LRCH3: variants seen among roughly 807,000 people sequenced by gnomAD.
LRCH3 encodes DISP complex protein LRCH3.
LRCH3 carries 68 observed loss-of-function variants against 104.5 expected under a neutral mutation model. The ratio of observed to expected loss-of-function variants is 0.65; its 90% CI spans 0.54 to 0.80. The LOEUF is 0.80. LRCH3 is among the 30% of genes least tolerant of loss of function. The pLI is 0.00. For synonymous variants in LRCH3, 344 were observed against 361.3 expected (o/e 0.95, Z 0.54); for missense variants, 951 against 953.9 (o/e 1.00, Z 0.04).
chr3:197,824,351 C>T (rs1273561), intron 4 of LRCH3, among the ~76,000 whole-genome samples: 107,474 of 146,040 alleles, frequency 0.74, 41,579 homozygotes, highest in East Asian at 0.98. Context: ...GCGTGAGCCA[C>T]CACGCCCGGC....
chr3:197,802,845 T>A (rs897789926), intron 1 of LRCH3, among the ~76,000 whole-genome samples: 22 of 152,208 alleles, frequency 1.4e-4, no homozygotes, highest in African/African-American at 5.3e-4. Flanking sequence ...TGAGAGCCTG[T>A]TCACTTTCAT....
chr3:197,835,497 T>TAA lies in LRCH3; in HGVS notation c.1103-157_1103-156dup, dbSNP rs79382131. ...CCACCAACCTTGGACATAAAATGGG[T>TAA]AAAAAAAAAAAAAAAAAAAAAGACT... On this transcript the variant is annotated intron_variant, in intron 8 of 20. Coordinates refer to ENST00000425562, the MANE Select transcript of LRCH3 (RefSeq NM_001365715.1). Among the ~76,000 whole-genome samples the TAA allele has an allele frequency of 5.6e-3, 761 of 135,042 alleles. 5 individuals are homozygous for TAA. The highest frequency in any genetic ancestry group is 0.021 in the African/African-American group (728 of 34,756). 88.6% of individuals were successfully genotyped at this position (135,042 alleles called of 152,430 possible). A position where few individuals can be genotyped will look rare whatever the true frequency, so the allele number is the denominator to read the frequency against.
Position 197,875,700 on chromosome 3 carries a change from T to C in LRCH3, c.2133T>C (p.Pro711=). The change falls in exon 20 of 21, where the codon CCT becomes CCC. Residue 711 remains proline (P), a splice_region_variant and synonymous_variant. Coordinates refer to ENST00000425562, the MANE Select transcript of LRCH3 (RefSeq NM_001365715.1). ...PSIHVPSPAV[P]KLTMAKCRRN... is the part of the protein sequence containing the mutation. ...ACATTTTCTTTTCCTCATTTCAGCC[T>C]AAATTAACAATGGCGAAATGCAGGC... The C allele has an allele frequency of 6.5e-7, 1 of 1,534,078 alleles. No homozygotes were observed. The highest frequency in any genetic ancestry group is 8.7e-7 in the Non-Finnish European group (1 of 1,146,282).
At chr3:197,817,325 C>T (rs1733915785) in intron 3 of LRCH3, 23 bp downstream of exon 3, 2 of 914,930 alleles carry the variant, frequency 2.2e-6, no homozygotes, top group Non-Finnish European at 2.8e-6. Context: ...TTTTGATTGT[C>T]CAACATGTGT....
intron 1 of LRCH3, among the ~76,000 whole-genome samples, chr3:197,808,723 G>T (rs999561779): frequency 6.6e-6 from 1 of 151,960 alleles, no homozygotes; most frequent in African/African-American, 2.4e-5. Flanking sequence ...GACCAGCCTG[G>T]GCAATGTGGC....
intron 20 of LRCH3, among the ~76,000 whole-genome samples, chr3:197,879,786 C>T (rs559018270): frequency 3.2e-4 from 48 of 151,950 alleles, no homozygotes; most frequent in Non-Finnish European, 6.3e-4. Flanking sequence ...CCAAAAACGT[C>T]CGTCTCCTCA....
chr3:197,871,683 T>C (rs1712211710), intron 19 of LRCH3: 4 of 451,380 alleles, frequency 8.9e-6, no homozygotes, highest in African/African-American at 2.0e-5. Flanking sequence ...GTGTGTGTTA[T>C]AGGGATATAA....
chr3:197,839,010 T>C (rs1432681866), intron 9 of LRCH3, among the ~76,000 whole-genome samples: 1 of 152,224 alleles, frequency 6.6e-6, no homozygotes, highest in Non-Finnish European at 1.5e-5. Context: ...CTTCGGTTCC[T>C]TTCTAATTCT....
chr3:197,811,864 T>A (rs1230204885), intron 1 of LRCH3, among the ~76,000 whole-genome samples: 1 of 152,238 alleles, frequency 6.6e-6, no homozygotes, highest in Non-Finnish European at 1.5e-5. Context: ...TGAAATTTTG[T>A]TTCTGTAATT....
Position 197,825,604 on chromosome 3 carries a change from C to T in LRCH3, c.641-1274C>T, listed in dbSNP as rs550457947. 4.7e-5 allele frequency among the ~76,000 whole-genome samples: 7 copies of T among 149,672 alleles called. 1 individual carries two copies. The highest frequency in any genetic ancestry group is 2.1e-4 in the South Asian group (1 of 4,716). ...ACGCCATTCTCCTGTCTCAGCCTCCCGAGTAGCTGGGACTACAGGCGCCCG... is the reference window on the plus strand; with the variant it reads ...ACGCCATTCTCCTGTCTCAGCCTCCTGAGTAGCTGGGACTACAGGCGCCCG... On this transcript the variant is annotated intron_variant, in intron 4 of 20. Coordinates refer to ENST00000425562, the MANE Select transcript of LRCH3 (RefSeq NM_001365715.1).
At chr3:197,815,090 T>C (rs759752018) in intron 2 of LRCH3, 38 bp downstream of exon 2, 3 of 1,269,174 alleles carry the variant, frequency 2.4e-6, no homozygotes, top group South Asian at 3.1e-5. Context: ...TTTTTGGTTT[T>C]ATGTGATCTT....
chr3:197,866,892 T>G (rs1741548822), intron 17 of LRCH3, among the ~76,000 whole-genome samples: 1 of 151,354 alleles, frequency 6.6e-6, no homozygotes, highest in African/African-American at 2.4e-5. Flanking sequence ...GTGATCCCAG[T>G]GCTTTGGGAG....
At position 197,848,001 on chromosome 3, in the gene LRCH3, G is replaced by C. The variant is rs753446436; in HGVS notation, c.1510G>C (p.Ala504Pro). ...AAGGACCAAGCAGATCCAGAGAGAT[G>C]CTGTCCTGGACTTTGTCAAAGTGAG... ...KIRTKQIQRD[A>P]VLDFVKQKAS... Residue 504 changes from alanine (A) to proline (P), a missense_variant, in exon 12 of 21, where the codon GCT (alanine) becomes CCT (proline). Ala to Pro is a conservative substitution (Grantham distance 27). Transcript: ENST00000425562. The C allele has an allele frequency of 5.6e-6, 9 of 1,614,004 alleles. No homozygotes were observed. In the East Asian group the frequency reaches 2.0e-4, roughly 36 times the overall value.
In LRCH3 at chr3:197,871,539, A is replaced by G. The variant is rs528549216; in HGVS notation, c.2130+77A>G. On this transcript the variant is annotated intron_variant, in intron 19 of 20. Coordinates refer to ENST00000425562, the MANE Select transcript of LRCH3 (RefSeq NM_001365715.1). The stretch of plus-strand genomic sequence containing the variant: ...CACAGTGGACAGACATTTCTTAAGC[A>G]TTGTGCTAGATATTAAGGATACAGA... 67 of 1,573,308 alleles carry G rather than the reference A, an allele frequency of 4.3e-5. No individual in the cohort carries two copies. In the African/African-American group the frequency reaches 8.0e-4, roughly 19 times the overall value.
intron 1 of LRCH3, among the ~76,000 whole-genome samples, chr3:197,806,766 G>A (rs1308997925): frequency 6.7e-6 from 1 of 149,534 alleles, no homozygotes; most frequent in Non-Finnish European, 1.5e-5. Flanking sequence ...TGTCCAGGCT[G>A]CCCTTGAACT....
At position 197,792,291 on chromosome 3, in the gene LRCH3, A is replaced by G. The variant is rs1039497936; in HGVS notation, c.262+751A>G. On this transcript the variant is annotated intron_variant, in intron 1 of 20. Coordinates refer to ENST00000425562, the MANE Select transcript of LRCH3 (RefSeq NM_001365715.1). The stretch of plus-strand genomic sequence containing the variant: ...CTCCAAAAAAAAGTTGAAGCAAACT[A>G]CTTAGAAAAGATAGTCTAACATATT... Among the ~76,000 whole-genome samples the G allele has an allele frequency of 1.1e-4, 16 of 152,014 alleles. 1 individual carries two copies. Among genetic ancestry groups the G allele is most frequent in the Admixed American group, 6.6e-4 (10 of 15,218 alleles).
intron 10 of LRCH3, among the ~76,000 whole-genome samples, chr3:197,840,412 G>A (rs945645996): frequency 6.6e-6 from 1 of 152,114 alleles, no homozygotes; most frequent in African/African-American, 2.4e-5. Context: ...AGCCGAGATC[G>A]CACCATTGCC....
Position 197,842,606 on chromosome 3 carries a change from T to C in LRCH3, c.1328+3209T>C, listed in dbSNP as rs1381452521. On this transcript the variant is annotated intron_variant, in intron 10 of 20. Transcript: ENST00000425562. ...TTTTCCCCTACCCTCATCCAACACA[T>C]ACATTTCTTCCCACCTACCACTCCC... Among the ~76,000 whole-genome samples, 3 of 152,218 alleles carry C rather than the reference T, an allele frequency of 2.0e-5. No individual in the cohort carries two copies. In the East Asian group the frequency reaches 5.8e-4, roughly 29 times the overall value.
chr3:197,838,353 G>A (rs955224923), intron 9 of LRCH3, among the ~76,000 whole-genome samples: 4 of 152,216 alleles, frequency 2.6e-5, no homozygotes, highest in African/African-American at 9.6e-5. Flanking sequence ...GGGATCTCAT[G>A]TCCAGACTTT....
Sources: gnomAD v4.1 joint callset for allele counts (sites outside exome capture counted in the v4.1 genomes callset) on GRCh38, gnomAD v4.1.1 for gene constraint, MANE v1.5 for transcripts, NCBI Gene and HGNC (gene_info 2026-07-23, HGNC 2026-07-21) for gene names.